AEBP2: variants seen among roughly 807,000 people sequenced by gnomAD.
The protein encoded by AEBP2 is zinc finger protein AEBP2.
AEBP2 carries 10 observed loss-of-function variants against 50.8 expected under a neutral mutation model. That is an observed-to-expected ratio of 0.20 (90% CI 0.12 to 0.33). The LOEUF is 0.33. AEBP2 is among the 10% of genes least tolerant of loss of function. The probability of loss-of-function intolerance (pLI) is 1.00; values close to 1 mark genes in which losing one functional copy is unlikely to be tolerated. For missense variants in AEBP2, 570 were observed against 688.0 expected (o/e 0.83, Z 1.92); for synonymous variants, 296 against 261.3 (o/e 1.13, Z -1.28).
Position 19,440,265 on chromosome 12 carries a change from A to C in AEBP2, c.566A>C (p.Tyr189Ser). 6.8e-7 allele frequency: 1 copy of C among 1,471,412 alleles called. No individual in the cohort carries two copies. The highest frequency in any genetic ancestry group is 8.9e-7 in the Non-Finnish European group (1 of 1,122,056). The allele number at this position is 1,471,412 out of a possible 1,614,324, so 91.1% of individuals were successfully genotyped here. ...GTCTCCAGCGGCGGCGACGAGGGCT[A>C]CGGGACTGGGGGAGGCGGAAGCAGC... ...SVVSSGGDEG[Y>S]GTGGGGSSAT... is the part of the protein sequence containing the mutation. The change falls in exon 1 of 8, where the codon TAC becomes TCC. Residue 189 changes from tyrosine to serine, a missense_variant. Physicochemically the swap from Tyr to Ser is moderately radical, Grantham distance 144. This residue lies in a region of AEBP2 where 386 missense variants were observed against 336.8 expected (regional missense o/e 1.15). Transcript: ENST00000266508.
upstream of AEBP2, among the ~76,000 whole-genome samples, chr12:19,434,890 T>C (rs2153365420): frequency 6.6e-6 from 1 of 152,328 alleles, no homozygotes; most frequent in South Asian, 2.1e-4. Context: ...CCGAGACAGT[T>C]CATTTTAGTC....
intron 1 of AEBP2, among the ~76,000 whole-genome samples, chr12:19,444,084 T>G (rs1948014834): frequency 6.6e-6 from 1 of 152,170 alleles, no homozygotes. Flanking sequence ...TTTTTTCTCT[T>G]CAGTGAAGCT....
intron 2 of AEBP2, among the ~76,000 whole-genome samples, chr12:19,469,956 T>C (rs1948545113): frequency 6.6e-6 from 1 of 152,176 alleles, no homozygotes; most frequent in African/African-American, 2.4e-5. Context: ...GTATTTGATT[T>C]TTCAGGGTTA....
At position 19,494,690 on chromosome 12, in the gene AEBP2, C is replaced by G. The variant is rs1195071333; in HGVS notation, c.1174+704C>G. Among the ~76,000 whole-genome samples, 4 of 151,818 alleles carry G rather than the reference C, an allele frequency of 2.6e-5. No individual in the cohort carries two copies. The East Asian group carries it at 7.8e-4, about 30-fold the overall frequency. ...CCACCACACCCAGCCGATAGCAAAACAATTTGAATGTAATGGGTGTCATAG... is the reference window on the plus strand; with the variant it reads ...CCACCACACCCAGCCGATAGCAAAAGAATTTGAATGTAATGGGTGTCATAG... On this transcript the variant is annotated intron_variant, in intron 4 of 7. Coordinates refer to ENST00000266508, the MANE Select transcript of AEBP2 (RefSeq NM_153207.5).
intron 1 of AEBP2, among the ~76,000 whole-genome samples, chr12:19,409,270 G>A (rs1444592838): frequency 1.3e-5 from 2 of 151,714 alleles, no homozygotes; most frequent in East Asian, 1.9e-4. Context: ...ACAGAACTTC[G>A]CATTATATTA....
Position 19,519,009 on chromosome 12 carries a change from A to T in AEBP2, c.*892A>T, listed in dbSNP as rs1215620135. On this transcript the variant is annotated 3_prime_UTR_variant, in exon 8 of 8. Coordinates refer to ENST00000266508, the MANE Select transcript of AEBP2 (RefSeq NM_153207.5). ...TTTTTCTTAATGTAAGAAAAATTGT[A>T]TTTTTTTTACAAGTATCTTCAAACT... is the stretch of plus-strand genomic sequence containing the variant. The T allele has an allele frequency of 5.1e-6, 1 of 196,310 alleles. No individual in the cohort carries two copies. The highest frequency in any genetic ancestry group is 1.0e-5 in the Non-Finnish European group (1 of 97,516). 12.2% of individuals were successfully genotyped at this position (196,310 alleles called of 1,614,324 possible).
intron 3 of AEBP2, among the ~76,000 whole-genome samples, chr12:19,478,462 A>G (rs1286691800): frequency 6.6e-6 from 1 of 151,934 alleles, no homozygotes; most frequent in Non-Finnish European, 1.5e-5. Context: ...ACACCCAGCT[A>G]AGTTTTGTAT....
intron 1 of AEBP2, among the ~76,000 whole-genome samples, chr12:19,445,248 G>T (rs1052639738): frequency 1.3e-5 from 2 of 152,054 alleles, no homozygotes; most frequent in Non-Finnish European, 2.9e-5. Context: ...ACCCAGGCTG[G>T]AGTGCAGTGG....
rs1250445863 is a variant in AEBP2, at chr12:19,510,905, G to T, written c.1300-1493G>T. Among the ~76,000 whole-genome samples the T allele has an allele frequency of 3.3e-5, 4 of 120,684 alleles. No individual in the cohort carries two copies. The Admixed American group carries it at 4.6e-4, about 14-fold the overall frequency. The allele number at this position is 120,684 out of a possible 152,430, so 79.2% of individuals were successfully genotyped here. A position where few individuals can be genotyped will look rare whatever the true frequency, so the allele number is the denominator to read the frequency against. On this transcript the variant is annotated intron_variant, in intron 5 of 7. Coordinates refer to ENST00000266508, the MANE Select transcript of AEBP2 (RefSeq NM_153207.5). ...TTTGAGGTGGGGCCTCTGTTGCTCAGCCTGGAGTGCAGTGGCGCAGTCACA... is the reference window on the plus strand; with the variant it reads ...TTTGAGGTGGGGCCTCTGTTGCTCATCCTGGAGTGCAGTGGCGCAGTCACA...
chr12:19,499,294 C>A (rs368154745), intron 4 of AEBP2, among the ~76,000 whole-genome samples: 21 of 152,038 alleles, frequency 1.4e-4, no homozygotes, highest in East Asian at 9.7e-4. Context: ...AATAGTTGTT[C>A]ATAATCAAGA....
intron 7 of AEBP2, among the ~76,000 whole-genome samples, chr12:19,517,277 C>G (rs1592789724): frequency 6.6e-6 from 1 of 152,074 alleles, no homozygotes. Context: ...GTGCACATGT[C>G]AAAATGAAAG....
chr12:19,472,009 G>A (rs1057333960), intron 2 of AEBP2, among the ~76,000 whole-genome samples: 7 of 152,266 alleles, frequency 4.6e-5, no homozygotes, highest in South Asian at 2.1e-4. Flanking sequence ...TAGCAAATTC[G>A]TTGTGGAGTC....
At chr12:19,498,635 G>C (rs1043399951) in intron 4 of AEBP2, among the ~76,000 whole-genome samples, 2 of 152,076 alleles carry the variant, frequency 1.3e-5, no homozygotes, top group Admixed American at 1.3e-4. Flanking sequence ...TTCAATTACA[G>C]ATCTTGAAAA....
At chr12:19,475,943 A>C (rs1470823168) in intron 3 of AEBP2, among the ~76,000 whole-genome samples, 4 of 152,090 alleles carry the variant, frequency 2.6e-5, no homozygotes, top group Non-Finnish European at 5.9e-5. Context: ...TTGGATGCAT[A>C]GTTTGCAAAT....
chr12:19,404,717 G>A (rs979504631), intron 1 of AEBP2, among the ~76,000 whole-genome samples: 3 of 152,114 alleles, frequency 2.0e-5, no homozygotes, highest in African/African-American at 7.2e-5. Context: ...TCTGGCTCGT[G>A]GGTGTGGCTT....
intron 1 of AEBP2, chr12:19,456,837 C>G (rs1039284470): frequency 1.3e-6 from 2 of 1,541,562 alleles, no homozygotes; most frequent in African/African-American, 2.7e-5. Flanking sequence ...AGTCTCCACT[C>G]GGCCAACAGG....
At chr12:19,436,133 G>A (rs1020489450), upstream of AEBP2, among the ~76,000 whole-genome samples, 1 of 152,136 alleles carries the variant, frequency 6.6e-6, no homozygotes, top group Non-Finnish European at 1.5e-5. Context: ...ACCAAGATGC[G>A]ATGTAAGTGA....
At chr12:19,480,823 G>T (rs1948716664) in intron 3 of AEBP2, among the ~76,000 whole-genome samples, 1 of 152,118 alleles carries the variant, frequency 6.6e-6, no homozygotes, top group Non-Finnish European at 1.5e-5. Flanking sequence ...TTGTATTTGG[G>T]TGTCTACCTC....
chr12:19,502,424 A>G (rs1949095349), intron 5 of AEBP2, among the ~76,000 whole-genome samples: 2 of 152,068 alleles, frequency 1.3e-5, no homozygotes, highest in Admixed American at 1.3e-4. Context: ...ATGAGCCACC[A>G]TGCCCGGCCT....
Sources: gnomAD v4.1 joint callset for allele counts (sites outside exome capture counted in the v4.1 genomes callset) on GRCh38, gnomAD v4.1.1 for gene constraint, gnomAD v4.1.1 regional missense constraint, MANE v1.5 for transcripts, NCBI Gene and HGNC (gene_info 2026-07-23, HGNC 2026-07-21) for gene names.